MYL6: variants seen among roughly 807,000 people sequenced by gnomAD.
MYL6 encodes myosin light chain 6, also known as myosin light polypeptide 6.
Under a neutral mutation model 20.3 loss-of-function variants are expected in MYL6, and 20 were observed. The observed-to-expected ratio is 0.98, with a 90% CI of 0.69 to 1.43. The LOEUF (loss-of-function observed/expected upper bound fraction) is 1.43, where lower values mean the gene tolerates loss of function less well. Ranked by LOEUF, MYL6 falls within the 40% of genes most tolerant of loss-of-function variation. The pLI is 0.00. For missense variants in MYL6, 164 were observed against 191.0 expected (o/e 0.86, Z 0.83); for synonymous variants, 77 against 72.4 (o/e 1.06, Z -0.32).
Position 56,159,982 on chromosome 12 carries a change from T to C in MYL6, c.183T>C (p.Asn61=). ...VLGNPKSDEM[N]VKVLDFEHFL... ...CCACCTCCTTTATGGCAGAGATGAA[T>C]GTGAAGGTGCTGGACTTTGAGCACT... Residue 61 remains asparagine, a synonymous_variant, in exon 4 of 7, where the codon AAT becomes AAC. Coordinates refer to ENST00000550697, the MANE Select transcript of MYL6 (RefSeq NM_021019.5). 1.9e-6 allele frequency: 3 copies of C among 1,612,222 alleles called. No individual in the cohort carries two copies.
chr12:56,159,355 A>C, intron 2 of MYL6: 1 of 511,868 alleles, frequency 2.0e-6, no homozygotes, highest in Non-Finnish European at 3.4e-6. Context: ...CCGCAGGCAG[A>C]GGGGTTGTGT....
chr12:56,159,370 G>C, intron 2 of MYL6: 1 of 562,538 alleles, frequency 1.8e-6, no homozygotes, highest in Middle Eastern at 4.9e-4. Context: ...TTGTGTAAAT[G>C]GATGTTACCA....
Position 56,161,540 on chromosome 12 carries a change from C to A in MYL6, c.*170C>A. ...TCTTGTCTCTCTTGGATGATGTTTG[C>A]CGTCAGCATTCACCAAATAAACTTG... is the stretch of plus-strand genomic sequence containing the variant. On this transcript the variant is annotated 3_prime_UTR_variant, in exon 7 of 7. Transcript: ENST00000550697. The A allele has an allele frequency of 1.6e-6, 2 of 1,222,096 alleles. No individual in the cohort carries two copies. Among genetic ancestry groups the A allele is most frequent in the Non-Finnish European group, 2.4e-6 (2 of 831,158 alleles). 75.7% of individuals were successfully genotyped at this position (1,222,096 alleles called of 1,614,324 possible). A position where few individuals can be genotyped will look rare whatever the true frequency, so the allele number is the denominator to read the frequency against.
chr12:56,158,915 C>A, intron 2 of MYL6: 1 of 1,428,962 alleles, frequency 7.0e-7, no homozygotes. Context: ...TGATCCCAAG[C>A]ACTGGGTGAG....
Position 56,160,239 on chromosome 12 carries a change from G to A in MYL6, c.350-4G>A, listed in dbSNP as rs1477371559. On this transcript the variant is annotated splice_region_variant and splice_polypyrimidine_tract_variant and intron_variant, in intron 4 of 6. Coordinates refer to ENST00000550697, the MANE Select transcript of MYL6 (RefSeq NM_021019.5). Reference sequence around the variant, plus strand: ...TTCCAAAAATGCTTTCTTTCCCCCTGCAGGTGAGAAGATGACAGAGGAAGA... The same window carrying A: ...TTCCAAAAATGCTTTCTTTCCCCCTACAGGTGAGAAGATGACAGAGGAAGA... 4.3e-6 allele frequency: 7 copies of A among 1,614,020 alleles called. No homozygotes were observed. The highest frequency in any genetic ancestry group is 5.1e-6 in the Non-Finnish European group (6 of 1,180,016).
rs2136921385 is a variant in MYL6, at chr12:56,161,494, C to T, written c.*124C>T. The T allele has an allele frequency of 6.6e-7, 1 of 1,519,764 alleles. No homozygotes were observed. The highest frequency in any genetic ancestry group is 2.3e-5 in the East Asian group (1 of 44,396). The allele number at this position is 1,519,764 out of a possible 1,614,324, so 94.1% of individuals were successfully genotyped here. On this transcript the variant is annotated 3_prime_UTR_variant, in exon 7 of 7. Coordinates refer to ENST00000550697, the MANE Select transcript of MYL6 (RefSeq NM_021019.5). ...CTAGCCTAAAGTTTCCCTAGGCTTT[C>T]TTGTCTCAGCAACTTTCCCATCTTG...
intron 2 of MYL6, 43 bp downstream of exon 2, chr12:56,158,754 GGGACACCCTCCCCCCAGCACCT>G (rs760720381): frequency 1.2e-6 from 2 of 1,611,576 alleles, no homozygotes; most frequent in East Asian, 4.5e-5. Context: ...CTTAGGGAGA[GGGACACCCTCCCCCCAGCACCT>G]ATCCTCTAAT....
At chr12:56,160,183 G>A (rs1320266235) in intron 4 of MYL6, 35 bp downstream of exon 4, 11 of 1,613,572 alleles carry the variant, frequency 6.8e-6, no homozygotes, top group Non-Finnish European at 9.3e-6. Context: ...GAGCTGAGAT[G>A]GCACCCTGAG....
At position 56,159,588 on chromosome 12, in the gene MYL6, G is replaced by A. The variant is rs550077784; in HGVS notation, c.33G>A (p.Glu11=). The change falls in exon 3 of 7, where the codon GAG becomes GAA. Residue 11 remains glutamate, a splice_region_variant and synonymous_variant. Coordinates refer to ENST00000550697, the MANE Select transcript of MYL6 (RefSeq NM_021019.5). MCDFTEDQTA[E]FKEAFQLFDR... is the part of the protein sequence containing the mutation. ...GTTGACATTCATCTGAATCCTCAGA[G>A]TTCAAGGAGGCCTTCCAGCTGTTTG... is the stretch of plus-strand genomic sequence containing the variant. The A allele has an allele frequency of 6.2e-7, 1 of 1,613,154 alleles. No individual in the cohort carries two copies. The highest frequency in any genetic ancestry group is 1.1e-5 in the South Asian group (1 of 91,042).
In MYL6 at chr12:56,158,408, G is replaced by T; in HGVS notation, c.3+4G>T. The T allele has an allele frequency of 6.6e-7, 1 of 1,526,638 alleles. No homozygotes were observed. Among genetic ancestry groups the T allele is most frequent in the Non-Finnish European group, 8.8e-7 (1 of 1,140,186 alleles). 94.6% of individuals were successfully genotyped at this position (1,526,638 alleles called of 1,614,324 possible). A position where few individuals can be genotyped will look rare whatever the true frequency, so the allele number is the denominator to read the frequency against. The stretch of plus-strand genomic sequence containing the variant: ...GGAGAGCTGAGCAGTCAAGATGGTG[G>T]GGCCCAGGTCTTGGGAGACGGGCAG... On this transcript the variant is annotated splice_donor_region_variant and intron_variant, in intron 1 of 6. Coordinates refer to ENST00000550697, the MANE Select transcript of MYL6 (RefSeq NM_021019.5).
At chr12:56,158,744 C>T (rs1316183655) in intron 2 of MYL6, 33 bp downstream of exon 2, 3 of 1,612,850 alleles carry the variant, frequency 1.9e-6, no homozygotes, top group Non-Finnish European at 8.5e-7. Context: ...CGAGGTCACC[C>T]TTAGGGAGAG....
chr12:56,160,831 G>A, intron 6 of MYL6, 161 bp downstream of exon 6: 2 of 778,728 alleles, frequency 2.6e-6, no homozygotes, highest in Non-Finnish European at 4.2e-6. Flanking sequence ...TCCTCAAAGA[G>A]GAAGACAACC....
chr12:56,158,666 T>C lies in MYL6; in HGVS notation c.4-18T>C, dbSNP rs1270786479. The C allele has an allele frequency of 6.2e-7, 1 of 1,613,948 alleles. No homozygotes were observed. Among genetic ancestry groups the C allele is most frequent in the East Asian group, 2.2e-5 (1 of 44,874 alleles). On this transcript the variant is annotated intron_variant, in intron 1 of 6. Transcript: ENST00000550697. ...GATTGGCGTTCAGATGCTGACCACT[T>C]CCCTCTTCTCTGAGCAGTGTGACTT...
Position 56,160,154 on chromosome 12 carries a change from G to T in MYL6, c.349+6G>T. On this transcript the variant is annotated splice_donor_region_variant and intron_variant, in intron 4 of 6. Coordinates refer to ENST00000550697, the MANE Select transcript of MYL6 (RefSeq NM_021019.5). The stretch of plus-strand genomic sequence containing the variant: ...GCATGTTCTTGTCACACTGGGTAAG[G>T]TTCTGTGTCCTTGTCCTTGAGCTGA... The T allele has an allele frequency of 6.2e-7, 1 of 1,613,894 alleles. No individual in the cohort carries two copies. The highest frequency in any genetic ancestry group is 8.5e-7 in the Non-Finnish European group (1 of 1,179,866).
In MYL6 at chr12:56,160,656, G is replaced by T. The variant is rs151292633; in HGVS notation, c.*2G>T. On this transcript the variant is annotated 3_prime_UTR_variant, in exon 6 of 7. Coordinates refer to ENST00000550697, the MANE Select transcript of MYL6 (RefSeq NM_021019.5). Reference sequence around the variant, plus strand: ...GTGAGGCATATCCTGTCGGGGTGACGGGCCCATGGGGCGGGTACGGCTCCT... The same window carrying T: ...GTGAGGCATATCCTGTCGGGGTGACTGGCCCATGGGGCGGGTACGGCTCCT... 2 of 1,613,930 alleles carry T rather than the reference G, an allele frequency of 1.2e-6. No individual in the cohort carries two copies. Among genetic ancestry groups the T allele is most frequent in the African/African-American group, 1.3e-5 (1 of 74,888 alleles).
At chr12:56,159,532 G>A (rs1871576736) in intron 2 of MYL6, 55 bp from the exon 3 acceptor site, 1 of 1,590,050 alleles carries the variant, frequency 6.3e-7, no homozygotes, top group Non-Finnish European at 8.6e-7. Context: ...AGAGCTCTGA[G>A]GTAGGGTTTG....
rs17118335 is a variant in MYL6 at position 56,161,511 on chromosome 12, C to A, written c.*141C>A. ...TAGGCTTTCTTGTCTCAGCAACTTT[C>A]CCATCTTGTCTCTCTTGGATGATGT... On this transcript the variant is annotated 3_prime_UTR_variant, in exon 7 of 7. Transcript: ENST00000550697. 1 of 1,419,352 alleles carries A rather than the reference C, an allele frequency of 7.0e-7. No homozygotes were observed. 87.9% of individuals were successfully genotyped at this position (1,419,352 alleles called of 1,614,324 possible). A position where few individuals can be genotyped will look rare whatever the true frequency, so the allele number is the denominator to read the frequency against.
chr12:56,160,161 G>A lies in MYL6; in HGVS notation c.349+13G>A, dbSNP rs753011680. On this transcript the variant is annotated intron_variant, in intron 4 of 6. Transcript: ENST00000550697. Reference sequence around the variant, plus strand: ...CTTGTCACACTGGGTAAGGTTCTGTGTCCTTGTCCTTGAGCTGAGATGGCA... The same window carrying A: ...CTTGTCACACTGGGTAAGGTTCTGTATCCTTGTCCTTGAGCTGAGATGGCA... 1.2e-6 allele frequency: 2 copies of A among 1,613,834 alleles called. No individual in the cohort carries two copies. Among genetic ancestry groups the A allele is most frequent in the Non-Finnish European group, 8.5e-7 (1 of 1,179,808 alleles).
At chr12:56,158,920 GGTGA>G (rs1871515005) in intron 2 of MYL6, 6 of 1,425,850 alleles carry the variant, frequency 4.2e-6, no homozygotes, top group South Asian at 1.5e-5. Context: ...CCAAGCACTG[GGTGA>G]GTTTTAGGTG....
Sources: gnomAD v4.1 joint callset for allele counts on GRCh38, gnomAD v4.1.1 for gene constraint, MANE v1.5 for transcripts, NCBI Gene and HGNC (gene_info 2026-07-23, HGNC 2026-07-21) for gene names.